KCTD1: variants seen among roughly 807,000 people sequenced by gnomAD.
KCTD1 encodes BTB/POZ domain-containing protein KCTD1.
Under a neutral mutation model 66.0 loss-of-function variants are expected in KCTD1, and 24 were observed. That is an observed-to-expected ratio of 0.36 (90% CI 0.26 to 0.51). KCTD1 has a LOEUF of 0.51. KCTD1 is among the 20% of genes least tolerant of loss of function. KCTD1 has a pLI of 0.95. For missense variants in KCTD1, 943 were observed against 1,205.2 expected, an observed-to-expected ratio of 0.78 and a Z score of 3.22; for synonymous variants, 511 against 517.2, an observed-to-expected ratio of 0.99 and a Z score of 0.16.
At chr18:26,626,620 C>T (rs908706536) in intron 1 of KCTD1, among the ~76,000 whole-genome samples, 8 of 152,084 alleles carry the variant, frequency 5.3e-5, no homozygotes, top group Middle Eastern at 3.4e-3. Flanking sequence ...ACCACAGGCA[C>T]GGGCCACCAT....
intron 1 of KCTD1, among the ~76,000 whole-genome samples, chr18:26,504,274 C>A (rs1191025746): frequency 6.6e-6 from 1 of 152,150 alleles, no homozygotes. Flanking sequence ...GGGTCTCACT[C>A]TGTCACCCAG....
intron 1 of KCTD1, among the ~76,000 whole-genome samples, chr18:26,574,666 A>G (rs775129377): frequency 6.6e-6 from 1 of 152,204 alleles, no homozygotes; most frequent in Non-Finnish European, 1.5e-5. Flanking sequence ...ACTATATTTC[A>G]CTTTCAAGTA....
At chr18:26,503,599 C>A (rs2144689008) in intron 1 of KCTD1, among the ~76,000 whole-genome samples, 1 of 152,240 alleles carries the variant, frequency 6.6e-6, no homozygotes, top group African/African-American at 2.4e-5. Flanking sequence ...TGGACACATT[C>A]TCTATCCTGC....
chr18:26,507,778 G>T (rs924798477), intron 1 of KCTD1, among the ~76,000 whole-genome samples: 5 of 152,016 alleles, frequency 3.3e-5, no homozygotes, highest in African/African-American at 1.2e-4. Context: ...GAACAAAAGG[G>T]CACGTACTGT....
rs1980008528 is a variant in KCTD1, at chr18:26,455,414, TTTATTTGTCA to T, written c.*319_*328del. ...CTGTGTCCTCACCACTCATGGCTTG[TTTATTTGTCA>T]GAGGCCTCGGAAGGCCCAGGACACT... On this transcript the variant is annotated 3_prime_UTR_variant, in exon 5 of 5. Transcript: ENST00000580059. 2 of 162,366 alleles carry T rather than the reference TTTATTTGTCA, an allele frequency of 1.2e-5. No individual in the cohort carries two copies. The highest frequency in any genetic ancestry group is 6.5e-5 in the Admixed American group (1 of 15,500). 10.1% of individuals were successfully genotyped at this position (162,366 alleles called of 1,614,324 possible). A position where few individuals can be genotyped will look rare whatever the true frequency, so the allele number is the denominator to read the frequency against.
At chr18:26,559,190 C>T (rs950298572) in intron 1 of KCTD1, among the ~76,000 whole-genome samples, 1 of 152,018 alleles carries the variant, frequency 6.6e-6, no homozygotes, top group Non-Finnish European at 1.5e-5. Flanking sequence ...TATTTGGTGG[C>T]ACAACAGGGG....
At chr18:26,549,707 C>T, upstream of KCTD1, 1 of 985,334 alleles carries the variant, frequency 1.0e-6, no homozygotes, top group Non-Finnish European at 1.2e-6. Context: ...TTCGGCAATT[C>T]GGATCCGGAG....
chr18:26,539,866 G>A (rs72887316), intron 1 of KCTD1, among the ~76,000 whole-genome samples: 26,576 of 152,042 alleles, frequency 0.17, 2,291 homozygotes, highest in Middle Eastern at 0.28. Context: ...AAAAATGAAG[G>A]ATTTTTTCAA....
chr18:26,593,535 G>T (rs1986678509), intron 1 of KCTD1, among the ~76,000 whole-genome samples: 2 of 90,336 alleles, frequency 2.2e-5, no homozygotes, highest in Admixed American at 1.1e-4. Context: ...CAAGGAGAAG[G>T]AGGAGGAAGA....
intron 1 of KCTD1, among the ~76,000 whole-genome samples, chr18:26,510,307 G>A (rs948199543): frequency 6.6e-6 from 1 of 152,210 alleles, no homozygotes; most frequent in African/African-American, 2.4e-5. Flanking sequence ...AATGGCACTT[G>A]AGCTGTATTA....
rs1388700369 is a variant in KCTD1 at position 26,468,306 on chromosome 18, G to A, written c.2133+8209C>T. On this transcript the variant is annotated intron_variant, in intron 3 of 4. Transcript: ENST00000580059. The surrounding 1 kb of genome is among the most constrained non-coding windows in gnomAD (Gnocchi z 4.8). ...CAGCTTTCCATGGAAGCCAGGACAG[G>A]AGCAACTGCCACTTAAATGGTGTTC... Among the ~76,000 whole-genome samples the A allele has an allele frequency of 6.6e-6, 1 of 152,196 alleles. No homozygotes were observed. The highest frequency in any genetic ancestry group is 1.5e-5 in the Non-Finnish European group (1 of 68,026).
At position 26,609,267 on chromosome 18, in the gene KCTD1, A is replaced by C. The variant is rs111629733; in HGVS notation, c.-16+19880T>G. ...TAGCATTAAATATTTAAGAAGAAAA[A>C]ATTTTAATGAAAATAGTAAACATCT... On this transcript the variant is annotated intron_variant, in intron 1 of 4. Transcript: ENST00000317932. 2.0e-5 allele frequency among the ~76,000 whole-genome samples: 3 copies of C among 152,326 alleles called. 1 individual carries two copies. Among genetic ancestry groups the C allele is most frequent in the African/African-American group, 7.2e-5 (3 of 41,570 alleles).
chr18:26,482,354 T>A (rs1352410854), intron 2 of KCTD1, among the ~76,000 whole-genome samples: 1 of 152,082 alleles, frequency 6.6e-6, no homozygotes, highest in Non-Finnish European at 1.5e-5. Flanking sequence ...ACCCCAAGAC[T>A]CCTGAGGTTC....
intron 1 of KCTD1, among the ~76,000 whole-genome samples, chr18:26,594,383 T>G (rs896010204): frequency 1.3e-5 from 2 of 152,222 alleles, no homozygotes; most frequent in Non-Finnish European, 2.9e-5. Flanking sequence ...TGTCTAGAAG[T>G]CAGGTGGAGG....
chr18:26,547,352 C>G lies in KCTD1; in HGVS notation c.1185G>C (p.Leu395=). 1 of 1,551,532 alleles carries G rather than the reference C, an allele frequency of 6.4e-7. No homozygotes were observed. Among genetic ancestry groups the G allele is most frequent in the Non-Finnish European group, 8.7e-7 (1 of 1,146,870 alleles). The part of the protein sequence containing the change: ...FCPYASFVKY[L]SKRNPLCKAF... ...CCTTGCAGAGAGGGTTGCGTTTCGA[C>G]AGGTACTTGACGAAGCTGGCGTAGG... The change falls in exon 1 of 5, where the codon CTG becomes CTC. Residue 395 remains leucine, a synonymous_variant. Coordinates refer to ENST00000580059, the MANE Select transcript of KCTD1 (RefSeq NM_001142730.3).
upstream of KCTD1, among the ~76,000 whole-genome samples, chr18:26,552,506 A>G (rs2144859317): frequency 6.6e-6 from 1 of 152,378 alleles, no homozygotes; most frequent in South Asian, 2.1e-4. Flanking sequence ...AATTAAAAAT[A>G]ACATGAATCT....
intron 1 of KCTD1, chr18:26,655,965 C>G (rs956380844): frequency 3.9e-5 from 6 of 152,114 alleles, no homozygotes; most frequent in African/African-American, 1.4e-4. Context: ...GGACTGTTTT[C>G]CAGCCAGGTC....
intron 2 of KCTD1, among the ~76,000 whole-genome samples, chr18:26,498,021 A>G (rs1411215924): frequency 6.6e-6 from 1 of 152,194 alleles, no homozygotes; most frequent in East Asian, 1.9e-4. Context: ...GTATGAAGAC[A>G]ATGCTACATG....
chr18:26,576,890 G>A (rs1264894814), intron 1 of KCTD1, among the ~76,000 whole-genome samples: 1 of 152,142 alleles, frequency 6.6e-6, no homozygotes, highest in Non-Finnish European at 1.5e-5. Context: ...GGTAAAAAAT[G>A]AAGAGTGAAA....
Sources: gnomAD v4.1 joint callset for allele counts (sites outside exome capture counted in the v4.1 genomes callset) on GRCh38, gnomAD v4.1.1 for gene constraint, Gnocchi (gnomAD v3.1) non-coding constraint, MANE v1.5 for transcripts, NCBI Gene and HGNC (gene_info 2026-07-23, HGNC 2026-07-21) for gene names.